Variants in CCDC7 observed in about 807,000 individuals in gnomAD.
The protein encoded by CCDC7 is coiled-coil domain containing 7.
Under a neutral mutation model 196.9 loss-of-function variants are expected in CCDC7, and 183 were observed. That is an observed-to-expected ratio of 0.93 (90% CI 0.82 to 1.05). The LOEUF (loss-of-function observed/expected upper bound fraction) is 1.05, where lower values mean the gene tolerates loss of function less well. Among genes scored for constraint, CCDC7 ranks in the 50% least tolerant of loss-of-function variants. The pLI is 0.00. For synonymous variants in CCDC7, 525 were observed against 484.6 expected, an observed-to-expected ratio of 1.08 and a Z score of -1.10; for missense variants, 1,540 against 1,482.2, an observed-to-expected ratio of 1.04 and a Z score of -0.64.
At chr10:32,852,186 A>G (rs2093589238) in intron 40 of CCDC7, among the ~76,000 whole-genome samples, 1 of 152,146 alleles carries the variant, frequency 6.6e-6, no homozygotes, top group South Asian at 2.1e-4. Flanking sequence ...TGTCTTGTTG[A>G]CTACTGCAGA....
chr10:32,491,886 TA>T lies in CCDC7; in HGVS notation c.797-32del, dbSNP rs756519798. On this transcript the variant is annotated intron_variant, in intron 8 of 41. Coordinates refer to ENST00000639629, the Ensembl canonical transcript of CCDC7. ...ATAGAGCTATAACTTAAGCTATTTA[TA>T]AAACCTTTAACATTTTTGACTTTTT... 12 of 1,527,410 alleles carry T rather than the reference TA, an allele frequency of 7.9e-6. No homozygotes were observed. The South Asian group carries it at 1.5e-4, about 18-fold the overall frequency. The allele number at this position is 1,527,410 out of a possible 1,614,324, so 94.6% of individuals were successfully genotyped here.
intron 11 of CCDC7, among the ~76,000 whole-genome samples, chr10:32,542,848 T>C (rs1201243787): frequency 6.6e-6 from 1 of 152,186 alleles, no homozygotes; most frequent in African/African-American, 2.4e-5. Flanking sequence ...TCTATATTTC[T>C]CATGGTATTT....
At chr10:32,598,525 C>G (rs983394341) in intron 18 of CCDC7, among the ~76,000 whole-genome samples, 1 of 152,200 alleles carries the variant, frequency 6.6e-6, no homozygotes, top group Non-Finnish European at 1.5e-5. Context: ...GAGATGAACC[C>G]GGTACCTCAG....
intron 34 of CCDC7, 61 bp downstream of exon 35, chr10:32,845,387 T>C (rs1171165257): frequency 7.4e-7 from 1 of 1,343,512 alleles, no homozygotes; most frequent in Non-Finnish European, 1.0e-6. Flanking sequence ...CTGAGTTAAA[T>C]TAAGTATAGA....
At chr10:32,498,800 C>T (rs187138362) in intron 9 of CCDC7, among the ~76,000 whole-genome samples, 5 of 149,614 alleles carry the variant, frequency 3.3e-5, no homozygotes, top group Admixed American at 2.7e-4. Flanking sequence ...ACCTTTCTCT[C>T]TGGCTGCCCT....
chr10:32,845,690 G>A, intron 35 of CCDC7, 64 bp downstream of exon 36: 5 of 1,426,916 alleles, frequency 3.5e-6, no homozygotes, highest in East Asian at 2.3e-5. Context: ...GTTAAATTAA[G>A]TGTGGACATT....
chr10:32,732,188 G>A (rs1316496735), intron 28 of CCDC7, among the ~76,000 whole-genome samples: 2 of 152,094 alleles, frequency 1.3e-5, no homozygotes, highest in African/African-American at 2.4e-5. Flanking sequence ...GAAAATGGAT[G>A]AAATAGCAGA....
intron 14 of CCDC7, among the ~76,000 whole-genome samples, chr10:32,566,257 A>T (rs2056773764): frequency 6.6e-6 from 1 of 152,334 alleles, no homozygotes; most frequent in Admixed American, 6.5e-5. Context: ...TAATAGAAGT[A>T]TAAAAGATAT....
At chr10:32,462,312 C>T (rs2035908606) in intron 3 of CCDC7, among the ~76,000 whole-genome samples, 1 of 152,070 alleles carries the variant, frequency 6.6e-6, no homozygotes, top group Admixed American at 6.6e-5. Flanking sequence ...GTAGTCCTAG[C>T]TACTCAGGAG....
At chr10:32,711,295 C>T (rs1054689008) in intron 24 of CCDC7, among the ~76,000 whole-genome samples, 2 of 151,844 alleles carry the variant, frequency 1.3e-5, no homozygotes, top group Non-Finnish European at 1.5e-5. Context: ...ACAAATAATG[C>T]TGTAATGAAT....
chr10:32,644,655 G>A (rs1321959881), intron 20 of CCDC7, among the ~76,000 whole-genome samples: 2 of 152,152 alleles, frequency 1.3e-5, no homozygotes, highest in African/African-American at 2.4e-5. Flanking sequence ...TCACGAGGGC[G>A]ATTTCCCCCA....
chr10:32,876,279 A>C, intron 41 of CCDC7, 68 bp from the exon 43 acceptor site: 1 of 1,190,148 alleles, frequency 8.4e-7, no homozygotes, highest in African/African-American at 1.6e-5. Context: ...TATCATATAC[A>C]ATAAAAATTA....
intron 16 of CCDC7, among the ~76,000 whole-genome samples, chr10:32,575,276 G>A (rs1019737432): frequency 3.3e-5 from 5 of 152,112 alleles, no homozygotes; most frequent in African/African-American, 1.2e-4. Context: ...AAATGAAAAT[G>A]TATGTTATAA....
chr10:32,452,073 C>T (rs900084355), intron 1 of CCDC7, 152 bp downstream of exon 2: 22 of 1,162,638 alleles, frequency 1.9e-5, no homozygotes, highest in Non-Finnish European at 2.3e-5. Flanking sequence ...AGGAGAAAAC[C>T]AGATCTAAGC....
intron 28 of CCDC7, among the ~76,000 whole-genome samples, chr10:32,752,202 T>C (rs2075768615): frequency 6.6e-6 from 1 of 151,996 alleles, no homozygotes; most frequent in African/African-American, 2.4e-5. Context: ...TAAGCACTAA[T>C]GTAGCTGAGG....
chr10:32,557,210 A>G (rs1320457788), intron 13 of CCDC7, among the ~76,000 whole-genome samples: 1 of 150,756 alleles, frequency 6.6e-6, no homozygotes, highest in African/African-American at 2.4e-5. Flanking sequence ...GCTGAGAAGC[A>G]ATTATTAAAA....
Position 32,848,108 on chromosome 10 carries a change from C to A in CCDC7, c.3772+192C>A, listed in dbSNP as rs546986040. Reference sequence around the variant, plus strand: ...GCTAGAAAGTTTTAAAACCTCTAGACAATGATTTTAAAAAATATGAGGTTT... The same window carrying A: ...GCTAGAAAGTTTTAAAACCTCTAGAAAATGATTTTAAAAAATATGAGGTTT... On this transcript the variant is annotated intron_variant, in intron 38 of 41. Coordinates refer to ENST00000639629, the Ensembl canonical transcript of CCDC7. Among the ~76,000 whole-genome samples, 4 of 152,082 alleles carry A rather than the reference C, an allele frequency of 2.6e-5. No individual in the cohort carries two copies. The South Asian group carries it at 8.3e-4, about 32-fold the overall frequency.
chr10:32,469,439 A>G (rs1328770692), intron 5 of CCDC7, among the ~76,000 whole-genome samples: 5 of 152,182 alleles, frequency 3.3e-5, no homozygotes, highest in Non-Finnish European at 5.9e-5. Context: ...TCATCACTAC[A>G]TGGCAGAGAA....
At chr10:32,754,824 C>G (rs540021065) in intron 28 of CCDC7, among the ~76,000 whole-genome samples, 2 of 152,206 alleles carry the variant, frequency 1.3e-5, no homozygotes, top group Non-Finnish European at 2.9e-5. Context: ...CGGGGCACTG[C>G]CTCACCCAGG....
Sources: gnomAD v4.1 joint callset for allele counts (sites outside exome capture counted in the v4.1 genomes callset) on GRCh38, gnomAD v4.1.1 for gene constraint, MANE v1.5 for transcripts, NCBI Gene and HGNC (gene_info 2026-07-23, HGNC 2026-07-21) for gene names.